TET2: variants seen among roughly 807,000 people sequenced by gnomAD.
The protein encoded by TET2 is tet methylcytosine dioxygenase 2.
A neutral mutation model predicts 142.9 loss-of-function variants in TET2; 299 were observed. The ratio of observed to expected loss-of-function variants is 2.09; its 90% confidence interval spans 1.90 to 2.30. The LOEUF (loss-of-function observed/expected upper bound fraction) is 2.30, where lower values mean the gene tolerates loss of function less well. Among genes scored for constraint, TET2 ranks in the 30% most tolerant of loss-of-function variants. The pLI is 0.00. For missense variants in TET2, 2,418 were observed against 2,378.0 expected, an observed-to-expected ratio of 1.02 and a Z score of -0.35; for synonymous variants, 819 against 849.0, an observed-to-expected ratio of 0.96 and a Z score of 0.61.
chr4:105,184,949 G>A (rs1030743830), intron 1 of TET2, among the ~76,000 whole-genome samples: 1 of 152,126 alleles, frequency 6.6e-6, no homozygotes, highest in African/African-American at 2.4e-5. Flanking sequence ...TGCCATGAAG[G>A]TGTACTAATA....
At chr4:105,158,303 A>G (rs1723666238) in intron 1 of TET2, among the ~76,000 whole-genome samples, 1 of 152,064 alleles carries the variant, frequency 6.6e-6, no homozygotes, top group Non-Finnish European at 1.5e-5. Context: ...GGTTTTTGGG[A>G]AACTATATTT....
At chr4:105,263,124 A>G (rs776572313) in intron 8 of TET2, among the ~76,000 whole-genome samples, 25 of 152,164 alleles carry the variant, frequency 1.6e-4, no homozygotes, top group South Asian at 1.4e-3. Context: ...TCCAGCTGGA[A>G]TAGAAGAATG....
At position 105,278,171 on chromosome 4, in the gene TET2, C is replaced by CATATAGAT. The variant is rs1553918864; in HGVS notation, c.*1657_*1658insGATATATA. ...GTACTGTAAAAAAATTAAATATATA[C>CATATAGAT]ATATATATATATATATATATATATA... On this transcript the variant is annotated 3_prime_UTR_variant, in exon 11 of 11. Coordinates refer to ENST00000380013, the MANE Select transcript of TET2 (RefSeq NM_001127208.3). 1 of 113,940 alleles carries CATATAGAT rather than the reference C, an allele frequency of 8.8e-6. No individual in the cohort carries two copies. Among genetic ancestry groups the CATATAGAT allele is most frequent in the African/African-American group, 4.1e-5 (1 of 24,396 alleles). The allele number at this position is 113,940 out of a possible 1,614,324, so 7.1% of individuals were successfully genotyped here. A position where few individuals can be genotyped will look rare whatever the true frequency, so the allele number is the denominator to read the frequency against.
chr4:105,267,802 A>G (rs763474645), intron 8 of TET2, among the ~76,000 whole-genome samples: 4 of 152,030 alleles, frequency 2.6e-5, no homozygotes, highest in Non-Finnish European at 5.9e-5. Flanking sequence ...ATAAAGATAC[A>G]AATAAATTAA....
chr4:105,214,044 T>A (rs554970055), intron 2 of TET2, among the ~76,000 whole-genome samples: 2 of 152,046 alleles, frequency 1.3e-5, no homozygotes, highest in Non-Finnish European at 2.9e-5. Context: ...AGAAACAAGG[T>A]TTCACCATGT....
In TET2 at chr4:105,259,629, G is replaced by A. The variant is rs1252844744; in HGVS notation, c.3814G>A (p.Ala1272Thr). Residue 1272 changes from alanine to threonine, a missense_variant, in exon 7 of 11, where the codon GCC (alanine) becomes ACC (threonine). Transcript: ENST00000380013. ...CTTTTGATTTTTCAGGAGAACTTGC[G>A]CCTGTCAGGGGCTGGATCCAGAAAC... The part of the protein sequence containing the change: ...RCALNEERTC[A>T]CQGLDPETCG... 76 of 1,550,480 alleles carry A rather than the reference G, an allele frequency of 4.9e-5. No individual in the cohort carries two copies. The highest frequency in any genetic ancestry group is 3.5e-4 in the Admixed American group (18 of 50,912).
Position 105,277,846 on chromosome 4 carries a change from T to C in TET2, c.*1327T>C, listed in dbSNP as rs186768185. On this transcript the variant is annotated 3_prime_UTR_variant, in exon 11 of 11. Transcript: ENST00000380013. ...GAAGCCTATGCTATTTTATGGATCA[T>C]AGGCTCTTCAGAGAACTGAATGGCA... The C allele has an allele frequency of 4.5e-6, 1 of 224,426 alleles. No homozygotes were observed. The highest frequency in any genetic ancestry group is 5.7e-5 in the Admixed American group (1 of 17,490). 13.9% of individuals were successfully genotyped at this position (224,426 alleles called of 1,614,324 possible). A position where few individuals can be genotyped will look rare whatever the true frequency, so the allele number is the denominator to read the frequency against.
In TET2 at chr4:105,236,149, C is replaced by A. The variant is rs780929624; in HGVS notation, c.2207C>A (p.Ser736Ter). 6.2e-7 allele frequency: 1 copy of A among 1,614,082 alleles called. No homozygotes were observed. The highest frequency in any genetic ancestry group is 8.5e-7 in the Non-Finnish European group (1 of 1,179,994). The stretch of plus-strand genomic sequence containing the variant: ...GCACAAACACAACCATCCCAGAGTT[C>A]ACATCTCCCTCAAAACCAGCAACAG... ...QAAQTQPSQS[S>*]HLPQNQQQQQ... Residue 736 changes from serine to a stop codon, truncating the protein, a stop_gained, in exon 3 of 11, where the codon TCA (serine) becomes TAA (stop). Coordinates refer to ENST00000380013, the MANE Select transcript of TET2 (RefSeq NM_001127208.3). LOFTEE classifies it high-confidence loss of function.
chr4:105,194,866 T>C (rs1210518223), intron 2 of TET2, among the ~76,000 whole-genome samples: 1 of 152,188 alleles, frequency 6.6e-6, no homozygotes, highest in African/African-American at 2.4e-5. Flanking sequence ...CATGGTATGA[T>C]ACAAGTCATA....
upstream of TET2, chr4:105,146,743 G>C (rs1178683483): frequency 1.3e-5 from 2 of 151,992 alleles, no homozygotes; most frequent in Non-Finnish European, 2.9e-5. Flanking sequence ...AGCGCCGCGC[G>C]CCCGGGTCCC....
chr4:105,151,563 G>T (rs1723302176), intron 1 of TET2, among the ~76,000 whole-genome samples: 1 of 151,624 alleles, frequency 6.6e-6, no homozygotes, highest in South Asian at 2.1e-4. Flanking sequence ...TAAGAATTCA[G>T]AACTCAGGCC....
chr4:105,229,700 T>C (rs1728393387), intron 2 of TET2, among the ~76,000 whole-genome samples: 1 of 152,054 alleles, frequency 6.6e-6, no homozygotes, highest in African/African-American at 2.4e-5. Flanking sequence ...TCCCAGTGCT[T>C]TTCTCCAGCT....
chr4:105,156,877 T>C (rs1367227512), intron 1 of TET2, among the ~76,000 whole-genome samples: 5 of 152,188 alleles, frequency 3.3e-5, no homozygotes, highest in African/African-American at 1.2e-4. Flanking sequence ...TATTAATTTT[T>C]TTAACCTGTT....
rs1370608843 is a variant in TET2 at position 105,236,304 on chromosome 4, G to GA, written c.2366dup (p.Asn789LysfsTer13). ...TAAAGTGGAAGAATGTTTTCATGGT[G>GA]AAAATCAGTATTCAAAATCAAGCGA... On this transcript the variant is annotated frameshift_variant, in exon 3 of 11. Coordinates refer to ENST00000380013, the MANE Select transcript of TET2 (RefSeq NM_001127208.3). LOFTEE classifies it high-confidence loss of function. 1 of 1,614,056 alleles carries GA rather than the reference G, an allele frequency of 6.2e-7. No homozygotes were observed.
At chr4:105,212,426 T>TA (rs1457476026) in intron 2 of TET2, among the ~76,000 whole-genome samples, 1 of 152,244 alleles carries the variant, frequency 6.6e-6, no homozygotes, top group Non-Finnish European at 1.5e-5. Flanking sequence ...CAATAATATT[T>TA]ACATATAATG....
At chr4:105,259,524 TTCAAAC>T in intron 6 of TET2, 89 bp from the exon 7 acceptor site, 1 of 1,250,868 alleles carries the variant, frequency 8.0e-7, no homozygotes, top group Non-Finnish European at 1.1e-6. Flanking sequence ...TAGACTTCTT[TTCAAAC>T]TCATTTTGCA....
intron 1 of TET2, among the ~76,000 whole-genome samples, chr4:105,186,093 G>A (rs1457761701): frequency 6.6e-6 from 1 of 152,108 alleles, no homozygotes; most frequent in Non-Finnish European, 1.5e-5. Flanking sequence ...TGCTGGGTGT[G>A]GTGGTACATG....
chr4:105,233,121 C>A (rs1639181440), intron 2 of TET2, among the ~76,000 whole-genome samples: 2 of 151,988 alleles, frequency 1.3e-5, no homozygotes, highest in African/African-American at 4.8e-5. Context: ...CGGTGGCTCA[C>A]ACCTGTAATC....
chr4:105,236,453 T>C lies in TET2; in HGVS notation c.2511T>C (p.Asn837=). The part of the protein sequence containing the change: ...ACKIQVSCSN[N]THLVSENKEQ... ...AAATACAGGTTTCTTGTTCAAACAA[T>C]ACACACCTAGTTTCAGAGAATAAAG... The change falls in exon 3 of 11, where the codon AAT becomes AAC. Residue 837 remains asparagine, a synonymous_variant. Transcript: ENST00000380013. The C allele has an allele frequency of 3.1e-6, 5 of 1,614,054 alleles. No homozygotes were observed. Among genetic ancestry groups the C allele is most frequent in the Non-Finnish European group, 4.2e-6 (5 of 1,179,992 alleles).
Sources: gnomAD v4.1 joint callset for allele counts (sites outside exome capture counted in the v4.1 genomes callset) on GRCh38, gnomAD v4.1.1 for gene constraint, MANE v1.5 for transcripts, NCBI Gene and HGNC (gene_info 2026-07-23, HGNC 2026-07-21) for gene names.